The following ENOX1 variants were observed in gnomAD, a reference collection of about 807,000 sequenced individuals.
ENOX1 encodes the protein candidate growth-related and time keeping constitutive hydroquinone (NADH) oxidase.
In ENOX1, 42 loss-of-function variants were observed where a neutral mutation model predicts 82.5. That is an observed-to-expected ratio of 0.51 (90% CI 0.40 to 0.66). The LOEUF (loss-of-function observed/expected upper bound fraction) is 0.66. ENOX1 is among the 30% of genes least tolerant of loss of function. The pLI, the probability that ENOX1 is intolerant of heterozygous loss-of-function variation, is 0.00. For missense variants in ENOX1, 608 were observed against 811.6 expected (o/e 0.75, Z 3.05); for synonymous variants, 271 against 282.2 (o/e 0.96, Z 0.40).
At chr13:43,762,827 G>T (rs938847016) in intron 1 of ENOX1, among the ~76,000 whole-genome samples, 1 of 152,166 alleles carries the variant, frequency 6.6e-6, no homozygotes, top group African/African-American at 2.4e-5. Flanking sequence ...AGCATTACAA[G>T]AAATATTTAT....
intron 2 of ENOX1, among the ~76,000 whole-genome samples, chr13:43,564,309 T>G (rs1206997878): frequency 6.6e-6 from 1 of 152,036 alleles, no homozygotes; most frequent in African/African-American, 2.4e-5. Context: ...CCTTTCAAAA[T>G]GCCAATTACA....
intron 12 of ENOX1, among the ~76,000 whole-genome samples, chr13:43,285,733 C>T (rs1009082525): frequency 6.8e-6 from 1 of 146,274 alleles, no homozygotes. Flanking sequence ...TAGCTTGGAC[C>T]TGGTAGGCAG....
intron 2 of ENOX1, among the ~76,000 whole-genome samples, chr13:43,630,878 T>C (rs202039548): frequency 4.3e-4 from 28 of 64,500 alleles, no homozygotes; most frequent in East Asian, 8.7e-4. Context: ...CACACACATA[T>C]ATATACACAT....
intron 5 of ENOX1, among the ~76,000 whole-genome samples, chr13:43,401,226 C>T (rs1277315232): frequency 6.6e-6 from 1 of 152,128 alleles, no homozygotes; most frequent in Non-Finnish European, 1.5e-5. Flanking sequence ...TTTAAAAAGA[C>T]TTTGTCTGTA....
At position 43,536,528 on chromosome 13, in the gene ENOX1, T is replaced by A. The variant is rs561119658; in HGVS notation, c.-218-52376A>T. Among the ~76,000 whole-genome samples, 4 of 146,530 alleles carry A rather than the reference T, an allele frequency of 2.7e-5. No individual in the cohort carries two copies. The East Asian group carries it at 8.3e-4, about 30-fold the overall frequency. Reference sequence around the variant, plus strand: ...GACACAAGATAATTACTTTTTGGACTATTTAGGAAGCAGGGAGTTTCACTT... The same window carrying A: ...GACACAAGATAATTACTTTTTGGACAATTTAGGAAGCAGGGAGTTTCACTT... On this transcript the variant is annotated intron_variant, in intron 2 of 16. Coordinates refer to ENST00000690772, the MANE Select transcript of ENOX1 (RefSeq NM_001347969.2).
At chr13:43,385,261 T>C (rs537451007) in intron 5 of ENOX1, among the ~76,000 whole-genome samples, 1 of 152,130 alleles carries the variant, frequency 6.6e-6, no homozygotes, top group East Asian at 1.9e-4. Context: ...GAGAGGAAAC[T>C]TATAATCATT....
At chr13:43,306,331 C>T (rs2046859782) in intron 11 of ENOX1, among the ~76,000 whole-genome samples, 1 of 152,186 alleles carries the variant, frequency 6.6e-6, no homozygotes, top group South Asian at 2.1e-4. Flanking sequence ...CACTTTTCCC[C>T]ACTCTTCCTT....
At chr13:43,377,852 T>C (rs781247353) in intron 5 of ENOX1, among the ~76,000 whole-genome samples, 24 of 152,278 alleles carry the variant, frequency 1.6e-4, no homozygotes, top group Admixed American at 8.5e-4. Flanking sequence ...ATTGGATGGA[T>C]TATAGGGTCT....
At chr13:43,439,909 C>T (rs1287626965) in intron 3 of ENOX1, among the ~76,000 whole-genome samples, 1 of 152,104 alleles carries the variant, frequency 6.6e-6, no homozygotes, top group East Asian at 1.9e-4. Flanking sequence ...TAGGTACATC[C>T]ATGAGTGTAT....
At chr13:43,610,908 C>T (rs1313452807) in intron 2 of ENOX1, among the ~76,000 whole-genome samples, 1 of 152,204 alleles carries the variant, frequency 6.6e-6, no homozygotes. Context: ...AGAATTTCAA[C>T]TGACAGTGAC....
At chr13:43,358,581 C>G (rs1284072894) in intron 7 of ENOX1, among the ~76,000 whole-genome samples, 1 of 152,178 alleles carries the variant, frequency 6.6e-6, no homozygotes, top group Non-Finnish European at 1.5e-5. Context: ...CCTTCTTTAT[C>G]ATCATCAGGA....
chr13:43,630,914 CGTATATGTGTGTGT>C (rs2083185041), intron 2 of ENOX1, among the ~76,000 whole-genome samples: 1 of 140,334 alleles, frequency 7.1e-6, no homozygotes, highest in Non-Finnish European at 1.6e-5. Flanking sequence ...CATACGTGTG[CGTATATGTGTGTGT>C]GTGTTTGTGT....
At chr13:43,359,246 G>A (rs910031602) in intron 7 of ENOX1, among the ~76,000 whole-genome samples, 14 of 152,206 alleles carry the variant, frequency 9.2e-5, no homozygotes, top group African/African-American at 3.4e-4. Context: ...TAATTCTTGG[G>A]TTTGGCAAAG....
At chr13:43,429,117 C>G (rs942598698) in intron 3 of ENOX1, among the ~76,000 whole-genome samples, 2 of 152,180 alleles carry the variant, frequency 1.3e-5, no homozygotes, top group Admixed American at 6.5e-5. Flanking sequence ...CAGAGGAGAG[C>G]TCCTGTCACA....
chr13:43,329,239 CTGAT>C (rs1168946117), intron 9 of ENOX1, among the ~76,000 whole-genome samples: 1 of 152,102 alleles, frequency 6.6e-6, no homozygotes, highest in Admixed American at 6.6e-5. Flanking sequence ...TATGCTAACT[CTGAT>C]TGGGAACTTT....
At chr13:43,267,666 A>G (rs1566378186) in intron 13 of ENOX1, among the ~76,000 whole-genome samples, 3 of 152,198 alleles carry the variant, frequency 2.0e-5, no homozygotes, top group Middle Eastern at 3.2e-3. Flanking sequence ...TCATCAGTGC[A>G]CATCTGTGTG....
At chr13:43,416,129 G>T (rs1270322040) in intron 3 of ENOX1, among the ~76,000 whole-genome samples, 1 of 142,560 alleles carries the variant, frequency 7.0e-6, no homozygotes, top group Admixed American at 6.8e-5. Context: ...CCCAGACGGG[G>T]TGGCCAGGCA....
In ENOX1 at chr13:43,710,413, C is replaced by T. The variant is rs1236516942; in HGVS notation, c.-284-42869G>A. On this transcript the variant is annotated intron_variant, in intron 1 of 16. Coordinates refer to ENST00000690772, the MANE Select transcript of ENOX1 (RefSeq NM_001347969.2). Reference sequence around the variant, plus strand: ...AACATTTGAAAAGTATACAATGATTCATGTTAAAAATTATCAGACTACTAA... The same window carrying T: ...AACATTTGAAAAGTATACAATGATTTATGTTAAAAATTATCAGACTACTAA... Among the ~76,000 whole-genome samples, 7 of 152,086 alleles carry T rather than the reference C, an allele frequency of 4.6e-5. No individual in the cohort carries two copies. The South Asian group carries it at 1.2e-3, about 27-fold the overall frequency.
intron 1 of ENOX1, among the ~76,000 whole-genome samples, chr13:43,761,034 AATT>A (rs1175375415): frequency 1.3e-5 from 2 of 152,008 alleles, no homozygotes; most frequent in Admixed American, 6.6e-5. Flanking sequence ...AGGCAAGTAC[AATT>A]ATTATTATTT....
Sources: allele counts gnomAD v4.1 joint callset (sites outside exome capture counted in the v4.1 genomes callset), GRCh38; gene constraint gnomAD v4.1.1; transcripts MANE v1.5; gene names NCBI Gene and HGNC (gene_info 2026-07-23, HGNC 2026-07-21).